Variants in SMC3 observed in about 807,000 individuals in gnomAD.
SMC3 encodes structural maintenance of chromosomes 3, also known as structural maintenance of chromosomes protein 3.
In SMC3, 20 loss-of-function variants were observed where a neutral mutation model predicts 171.8. That is an observed-to-expected ratio of 0.12 (90% CI 0.08 to 0.17). The LOEUF is 0.17. Among genes scored for constraint, SMC3 ranks in the 10% least tolerant of loss-of-function variants. The pLI is 1.00. For synonymous variants in SMC3, 464 were observed against 451.1 expected, an observed-to-expected ratio of 1.03 and a Z score of -0.36; for missense variants, 543 against 1,420.4, an observed-to-expected ratio of 0.38 and a Z score of 9.93.
Position 110,589,672 on chromosome 10 carries a change from T to C in SMC3, c.1373T>C (p.Val458Ala), listed in dbSNP as rs1861177403. The C allele has an allele frequency of 3.1e-6, 5 of 1,609,430 alleles. No individual in the cohort carries two copies. The Middle Eastern group carries it at 5.0e-4, about 161-fold the overall frequency. Reference sequence around the variant, plus strand: ...GAACTGGACAGAAAATATTACGAAGTAAAAAATAAGAAAGATGAACTACAA... The same window carrying C: ...GAACTGGACAGAAAATATTACGAAGCAAAAAATAAGAAAGATGAACTACAA... ...VEELDRKYYEVKNKKDELQSE... is the reference protein window; with the variant it reads ...VEELDRKYYEAKNKKDELQSE... The change falls in exon 14 of 29, where the codon GTA becomes GCA. Residue 458 changes from valine to alanine, a missense_variant. Physicochemically the swap from Val to Ala is moderately conservative, Grantham distance 64 (BLOSUM62 0). This residue lies in a region of SMC3 where 218 missense variants were observed against 509.6 expected (regional missense o/e 0.43). Coordinates refer to ENST00000361804, the MANE Select transcript of SMC3 (RefSeq NM_005445.4).
intron 2 of SMC3, among the ~76,000 whole-genome samples, chr10:110,572,510 A>T (rs942449654): frequency 1.3e-5 from 2 of 152,120 alleles, no homozygotes; most frequent in Admixed American, 1.3e-4. Context: ...GACATAAGTG[A>T]TGTTGTGTCC....
chr10:110,567,927 C>T, intron 1 of SMC3, 96 bp downstream of exon 1: 1 of 1,418,848 alleles, frequency 7.0e-7, no homozygotes, highest in Non-Finnish European at 9.9e-7. Flanking sequence ...TCTCCCCTGT[C>T]TCCACAGGCT....
chr10:110,605,054 TAG>T lies in SMC3; in HGVS notation c.*753_*754del, dbSNP rs1317884784. Among the ~76,000 whole-genome samples the T allele has an allele frequency of 5.3e-5, 8 of 152,188 alleles. No homozygotes were observed. Among genetic ancestry groups the T allele is most frequent in the Admixed American group, 3.9e-4 (6 of 15,284 alleles). On this transcript the variant is annotated 3_prime_UTR_variant, in exon 29 of 29. Coordinates refer to ENST00000361804, the MANE Select transcript of SMC3 (RefSeq NM_005445.4). ...ATATTTTGTAGAATGTCCCTCAAAT[TAG>T]GTTTGTCTAATATTTTTCTCATGGT...
chr10:110,576,742 A>G (rs1368196514), intron 4 of SMC3, among the ~76,000 whole-genome samples: 2 of 152,176 alleles, frequency 1.3e-5, no homozygotes, highest in Non-Finnish European at 2.9e-5. Context: ...GCATTAAAAT[A>G]ATTAATAACC....
chr10:110,586,978 G>A (rs77735143), intron 13 of SMC3, among the ~76,000 whole-genome samples: 334 of 152,206 alleles, frequency 2.2e-3, no homozygotes, highest in African/African-American at 7.7e-3. Context: ...TTGCCTCTTG[G>A]TATAATCCTA....
chr10:110,590,965 A>G, intron 16 of SMC3, 26 bp from the exon 17 acceptor site: 1 of 1,609,290 alleles, frequency 6.2e-7, no homozygotes, highest in African/African-American at 1.3e-5. Flanking sequence ...ACCAATAAAG[A>G]TTTGTCTTAC....
At chr10:110,582,504 A>G in intron 9 of SMC3, 58 bp from the exon 10 acceptor site, 1 of 1,204,840 alleles carries the variant, frequency 8.3e-7, no homozygotes, top group South Asian at 1.4e-5. Context: ...ATTAGATGTT[A>G]TGAAATATTT....
In SMC3 at chr10:110,582,548, G is replaced by T; in HGVS notation, c.724-14G>T. The T allele has an allele frequency of 3.1e-6, 5 of 1,591,348 alleles. No individual in the cohort carries two copies. The highest frequency in any genetic ancestry group is 4.3e-6 in the Non-Finnish European group (5 of 1,160,260). On this transcript the variant is annotated splice_polypyrimidine_tract_variant and intron_variant, in intron 9 of 28. Transcript: ENST00000361804. ...CAAAATGAGTTAGATATGATAAGTT[G>T]TTTTTTTTCTTAGCTTTCTGCTAAG...
chr10:110,588,260 G>A (rs1314259822), intron 13 of SMC3, among the ~76,000 whole-genome samples: 1 of 152,144 alleles, frequency 6.6e-6, no homozygotes, highest in Non-Finnish European at 1.5e-5. Flanking sequence ...AAAGTGCTGG[G>A]ATTACAGGTG....
At chr10:110,597,612 C>G (rs1430721544) in intron 19 of SMC3, among the ~76,000 whole-genome samples, 1 of 152,202 alleles carries the variant, frequency 6.6e-6, no homozygotes, top group Non-Finnish European at 1.5e-5. Flanking sequence ...CTTTAAAGAA[C>G]TGCCTGAATT....
intron 2 of SMC3, among the ~76,000 whole-genome samples, chr10:110,571,503 G>C (rs555023248): frequency 6.6e-6 from 1 of 152,354 alleles, no homozygotes; most frequent in East Asian, 1.9e-4. Flanking sequence ...ATCTGGCATT[G>C]ATGCCTCCAA....
rs1183465732 is a variant in SMC3, at chr10:110,605,029, A to T, written c.*727A>T. Among the ~76,000 whole-genome samples the T allele has an allele frequency of 6.6e-6, 1 of 152,162 alleles. No individual in the cohort carries two copies. Among genetic ancestry groups the T allele is most frequent in the African/African-American group, 2.4e-5 (1 of 41,422 alleles). ...CTTGACAATTTTGAATAATATTCAC[A>T]TATTTTGTAGAATGTCCCTCAAATT... On this transcript the variant is annotated 3_prime_UTR_variant, in exon 29 of 29. Transcript: ENST00000361804.
At chr10:110,577,608 G>A (rs918816216) in intron 5 of SMC3, 116 bp downstream of exon 5, 1 of 769,540 alleles carries the variant, frequency 1.3e-6, no homozygotes. Context: ...TTTATATACT[G>A]ATTTTATCTT....
intron 13 of SMC3, among the ~76,000 whole-genome samples, chr10:110,587,463 C>T (rs902368017): frequency 3.9e-5 from 6 of 152,116 alleles, no homozygotes; most frequent in Non-Finnish European, 8.8e-5. Flanking sequence ...GGACGGATCA[C>T]GAGGTCAGGA....
chr10:110,582,671 C>T (rs745673713), intron 10 of SMC3, 29 bp downstream of exon 10: 10 of 1,542,490 alleles, frequency 6.5e-6, no homozygotes, highest in Admixed American at 1.7e-5. Flanking sequence ...TTCATGTTAA[C>T]TTACTTTTTA....
intron 27 of SMC3, 48 bp downstream of exon 27, chr10:110,603,050 A>T: frequency 6.3e-7 from 1 of 1,593,808 alleles, no homozygotes; most frequent in South Asian, 1.1e-5. Flanking sequence ...ATAAGCTGGT[A>T]ATATTTGCTG....
intron 4 of SMC3, among the ~76,000 whole-genome samples, chr10:110,576,962 T>G (rs901274208): frequency 6.6e-6 from 1 of 152,170 alleles, no homozygotes; most frequent in Non-Finnish European, 1.5e-5. Context: ...TTTATTAGGA[T>G]TTCTTTGCAG....
intron 4 of SMC3, among the ~76,000 whole-genome samples, chr10:110,576,071 A>T (rs1590550967): frequency 6.6e-6 from 1 of 152,198 alleles, no homozygotes; most frequent in East Asian, 1.9e-4. Flanking sequence ...GTCCTAATAA[A>T]CCTATCATAA....
At position 110,589,088 on chromosome 10, in the gene SMC3, A is replaced by G. The variant is rs185423307; in HGVS notation, c.1306-517A>G. On this transcript the variant is annotated intron_variant, in intron 13 of 28. Transcript: ENST00000361804. ...TGGTATGCTCTTTTGCCTAAAGACA[A>G]CTTTTAAAAACTGAAATGGGGCCGG... Among the ~76,000 whole-genome samples, 22 of 152,164 alleles carry G rather than the reference A, an allele frequency of 1.4e-4. No individual in the cohort carries two copies. In the East Asian group the frequency reaches 4.3e-3, roughly 29 times the overall value.
Sources: allele counts gnomAD v4.1 joint callset (sites outside exome capture counted in the v4.1 genomes callset), GRCh38; gene constraint gnomAD v4.1.1; regional missense constraint gnomAD v4.1.1; transcripts MANE v1.5; gene names NCBI Gene and HGNC (gene_info 2026-07-23, HGNC 2026-07-21).